Variants in SMAD4 observed in about 807,000 individuals in gnomAD.
SMAD4 encodes SMAD family member 4.
SMAD4 carries 7 observed loss-of-function variants against 63.2 expected under a neutral mutation model. The observed-to-expected ratio is 0.11, with a 90% confidence interval of 0.06 to 0.21. SMAD4 has a LOEUF of 0.21. SMAD4 is among the 10% of genes least tolerant of loss of function. SMAD4 has a pLI of 1.00. For synonymous variants in SMAD4, 215 were observed against 235.4 expected (o/e 0.91, Z 0.79); for missense variants, 312 against 693.8 (o/e 0.45, Z 6.18).
chr18:51,038,817 TTTTA>T (rs527587213), intron 1 of SMAD4, among the ~76,000 whole-genome samples: 94 of 152,240 alleles, frequency 6.2e-4, no homozygotes, highest in Non-Finnish European at 1.1e-3. Flanking sequence ...ATTTTAGTAG[TTTTA>T]TTTATTTATA....
At chr18:51,036,687 G>A (rs1909215716) in intron 1 of SMAD4, among the ~76,000 whole-genome samples, 1 of 152,156 alleles carries the variant, frequency 6.6e-6, no homozygotes, top group South Asian at 2.1e-4. Context: ...AAAGATTGTA[G>A]ACTAGATCAA....
At chr18:51,048,096 T>C (rs1909600165) in intron 2 of SMAD4, among the ~76,000 whole-genome samples, 1 of 152,248 alleles carries the variant, frequency 6.6e-6, no homozygotes, top group Non-Finnish European at 1.5e-5. Flanking sequence ...TCGTAGATTT[T>C]AAAGTTTTAT....
At chr18:51,031,426 C>T (rs1877010511) in intron 1 of SMAD4, among the ~76,000 whole-genome samples, 1 of 152,212 alleles carries the variant, frequency 6.6e-6, no homozygotes, top group African/African-American at 2.4e-5. Flanking sequence ...TGTTTCCCTT[C>T]AAAAACCTAA....
intron 1 of SMAD4, among the ~76,000 whole-genome samples, chr18:51,035,908 A>G (rs1428942745): frequency 2.0e-5 from 3 of 152,336 alleles, no homozygotes; most frequent in East Asian, 3.8e-4. Flanking sequence ...TGGAGGAGGC[A>G]TGGGAATCTG....
rs1385907632 is a variant in SMAD4, at chr18:51,080,074, A to G, written c.*1607A>G. The G allele has an allele frequency of 1.3e-5, 3 of 232,168 alleles. No homozygotes were observed. Among genetic ancestry groups the G allele is most frequent in the African/African-American group, 4.4e-5 (2 of 45,292 alleles). The allele number at this position is 232,168 out of a possible 1,614,324, so 14.4% of individuals were successfully genotyped here. On this transcript the variant is annotated 3_prime_UTR_variant, in exon 12 of 12. Coordinates refer to ENST00000342988, the MANE Select transcript of SMAD4 (RefSeq NM_005359.6). ...TAAATAGTATGAAATAAAATCAAGG[A>G]TTATCTTTCAGATGTGTTTACTTTT...
chr18:51,030,955 G>A (rs1909030733), intron 1 of SMAD4, among the ~76,000 whole-genome samples: 1 of 152,212 alleles, frequency 6.6e-6, no homozygotes, highest in African/African-American at 2.4e-5. Context: ...GGCTGAGCGC[G>A]TTGGGTCGGC....
intron 5 of SMAD4, among the ~76,000 whole-genome samples, chr18:51,056,104 T>A (rs1909838453): frequency 6.6e-6 from 1 of 152,230 alleles, no homozygotes; most frequent in Admixed American, 6.5e-5. Flanking sequence ...ACCCAGTTCC[T>A]TAATCACTTG....
Position 51,047,030 on chromosome 18 carries a change from A to C in SMAD4, c.-17A>C. 6.2e-7 allele frequency: 1 copy of C among 1,611,874 alleles called. No individual in the cohort carries two copies. The highest frequency in any genetic ancestry group is 8.5e-7 in the Non-Finnish European group (1 of 1,178,122). ...AAATTGGAGACATATTTGATTTAAA[A>C]GGAAAAACTTGAACAAATGGACAAT... On this transcript the variant is annotated 5_prime_UTR_variant, in exon 2 of 12. Coordinates refer to ENST00000342988, the MANE Select transcript of SMAD4 (RefSeq NM_005359.6).
rs565996294 is a variant in SMAD4 at position 51,078,788 on chromosome 18, A to G, written c.*321A>G. The G allele has an allele frequency of 2.9e-6, 1 of 345,062 alleles. No individual in the cohort carries two copies. Among genetic ancestry groups the G allele is most frequent in the African/African-American group, 2.0e-5 (1 of 49,596 alleles). The allele number at this position is 345,062 out of a possible 1,614,324, so 21.4% of individuals were successfully genotyped here. A position where few individuals can be genotyped will look rare whatever the true frequency, so the allele number is the denominator to read the frequency against. ...CCTTTAAAACGTCTTAGAGCCTTTTATCTGCAGAACATCGATATGTATATC... is the reference window on the plus strand; with the variant it reads ...CCTTTAAAACGTCTTAGAGCCTTTTGTCTGCAGAACATCGATATGTATATC... On this transcript the variant is annotated 3_prime_UTR_variant, in exon 12 of 12. Transcript: ENST00000342988.
Position 51,082,691 on chromosome 18 carries a change from T to A in SMAD4, c.*4224T>A, listed in dbSNP as rs1382772033. The A allele has an allele frequency of 2.6e-5, 6 of 231,886 alleles. No homozygotes were observed. In the Admixed American group the frequency reaches 3.4e-4, roughly 13 times the overall value. 14.4% of individuals were successfully genotyped at this position (231,886 alleles called of 1,614,324 possible). A position where few individuals can be genotyped will look rare whatever the true frequency, so the allele number is the denominator to read the frequency against. ...CTAAAACAGACAGGACTGTGTTGCC[T>A]TTACTAAATGGTCTGAGACAGCTAT... On this transcript the variant is annotated 3_prime_UTR_variant, in exon 12 of 12. Coordinates refer to ENST00000342988, the MANE Select transcript of SMAD4 (RefSeq NM_005359.6).
At chr18:51,059,588 G>T (rs1815112903) in intron 7 of SMAD4, among the ~76,000 whole-genome samples, 1 of 152,120 alleles carries the variant, frequency 6.6e-6, no homozygotes, top group Admixed American at 6.5e-5. Flanking sequence ...ATTCATTTAT[G>T]ATCTGTATTA....
At chr18:51,056,417 T>C (rs1256065016) in intron 5 of SMAD4, among the ~76,000 whole-genome samples, 1 of 152,030 alleles carries the variant, frequency 6.6e-6, no homozygotes, top group Non-Finnish European at 1.5e-5. Context: ...ATTGGGTAGA[T>C]TTTAATAATC....
intron 8 of SMAD4, among the ~76,000 whole-genome samples, chr18:51,062,184 G>C (rs987130499): frequency 3.9e-5 from 6 of 152,090 alleles, no homozygotes; most frequent in Non-Finnish European, 8.8e-5. Context: ...CGGATTTTCT[G>C]TGTTACATTG....
intron 1 of SMAD4, among the ~76,000 whole-genome samples, chr18:51,035,134 T>C (rs556569294): frequency 1.3e-5 from 2 of 152,364 alleles, no homozygotes; most frequent in African/African-American, 4.8e-5. Flanking sequence ...GCTTTGCTTC[T>C]GTGTCTGTCT....
At chr18:51,062,265 A>C (rs1236437384) in intron 8 of SMAD4, among the ~76,000 whole-genome samples, 5 of 152,154 alleles carry the variant, frequency 3.3e-5, no homozygotes, top group Non-Finnish European at 7.4e-5. Flanking sequence ...TTTTTTGAGA[A>C]ATGTAATATA....
chr18:51,031,091 A>C (rs1466211657), intron 1 of SMAD4, among the ~76,000 whole-genome samples: 1 of 152,200 alleles, frequency 6.6e-6, no homozygotes, highest in Non-Finnish European at 1.5e-5. Context: ...ATGCCAGTTT[A>C]CGCTTCTGGC....
intron 1 of SMAD4, among the ~76,000 whole-genome samples, chr18:51,037,797 A>T (rs182506645): frequency 1.1e-4 from 16 of 152,310 alleles, no homozygotes; most frequent in South Asian, 4.1e-4. Context: ...AGATTTGAGT[A>T]TTTGGCAGGT....
chr18:51,041,317 A>G (rs980727269), intron 1 of SMAD4, among the ~76,000 whole-genome samples: 3 of 152,202 alleles, frequency 2.0e-5, no homozygotes, highest in Non-Finnish European at 2.9e-5. Flanking sequence ...GTGGTAATCC[A>G]TTAATACTAT....
At chr18:51,038,192 G>T (rs1909260814) in intron 1 of SMAD4, among the ~76,000 whole-genome samples, 1 of 151,378 alleles carries the variant, frequency 6.6e-6, no homozygotes, top group African/African-American at 2.4e-5. Flanking sequence ...GGGAGTTCAA[G>T]GCTGGATTAA....
Sources: gnomAD v4.1 joint callset for allele counts (sites outside exome capture counted in the v4.1 genomes callset) on GRCh38, gnomAD v4.1.1 for gene constraint, MANE v1.5 for transcripts, NCBI Gene and HGNC (gene_info 2026-07-23, HGNC 2026-07-21) for gene names.